Variants in PRSS38 observed in about 807,000 individuals in gnomAD.
The protein encoded by PRSS38 is marapsin 2.
A neutral mutation model predicts 26.8 loss-of-function variants in PRSS38; 22 were observed. That is an observed-to-expected ratio of 0.82 (90% CI 0.59 to 1.17). The LOEUF is 1.17. Ranked by LOEUF, PRSS38 falls within the 50% of genes most tolerant of loss-of-function variation. The pLI, the probability that PRSS38 is intolerant of heterozygous loss-of-function variation, is 0.00. For missense variants in PRSS38, 427 were observed against 422.7 expected, an observed-to-expected ratio of 1.01 and a Z score of -0.09; for synonymous variants, 175 against 172.1, an observed-to-expected ratio of 1.02 and a Z score of -0.13.
Position 227,816,066 on chromosome 1 carries a change from C to T in PRSS38, c.149-24C>T. 2 of 1,602,524 alleles carry T rather than the reference C, an allele frequency of 1.2e-6. No homozygotes were observed. Among genetic ancestry groups the T allele is most frequent in the Non-Finnish European group, 1.7e-6 (2 of 1,172,804 alleles). ...CTCCCGTGGCCCCAGCATGGCTCCA[C>T]CGTCAGCTCCGTTCTCCCTGCAGCC... is the stretch of plus-strand genomic sequence containing the variant. On this transcript the variant is annotated intron_variant, in intron 1 of 4. Coordinates refer to ENST00000366757, the Ensembl canonical transcript of PRSS38. The surrounding 1 kb of genome is among the most constrained non-coding windows in gnomAD (Gnocchi z 5.1).
chr1:227,818,921 G>A (rs1314831002), intron 3 of PRSS38, among the ~76,000 whole-genome samples: 2 of 152,058 alleles, frequency 1.3e-5, no homozygotes, highest in Non-Finnish European at 2.9e-5. Flanking sequence ...TGATTACTCT[G>A]TCTTACTCTC....
At chr1:227,844,050 C>G (rs1272288769) in intron 3 of PRSS38, among the ~76,000 whole-genome samples, 1 of 152,160 alleles carries the variant, frequency 6.6e-6, no homozygotes, top group Non-Finnish European at 1.5e-5. Context: ...TTCAACTCCC[C>G]AGACTGTTCT....
exon 4 of PRSS38, chr1:227,845,537 C>G: frequency 6.2e-7 from 1 of 1,613,608 alleles, no homozygotes; most frequent in Non-Finnish European, 8.5e-7. Flanking sequence ...GCCACCTGCT[C>G]TACGGACACA....
intron 3 of PRSS38, among the ~76,000 whole-genome samples, chr1:227,830,167 T>C (rs958576650): frequency 2.0e-5 from 3 of 152,230 alleles, no homozygotes; most frequent in Non-Finnish European, 4.4e-5. Context: ...ATAGTCTTTC[T>C]AGGTTGCTGG....
At chr1:227,825,754 C>A (rs1665065371) in intron 3 of PRSS38, among the ~76,000 whole-genome samples, 1 of 152,116 alleles carries the variant, frequency 6.6e-6, no homozygotes, top group South Asian at 2.1e-4. Flanking sequence ...GTTCTTGTAC[C>A]AGTACCATGC....
At chr1:227,842,384 G>A (rs1665350464) in intron 3 of PRSS38, among the ~76,000 whole-genome samples, 1 of 152,070 alleles carries the variant, frequency 6.6e-6, no homozygotes, top group Admixed American at 6.5e-5. Context: ...TTGGGGCACA[G>A]AATTGGATTC....
intron 3 of PRSS38, among the ~76,000 whole-genome samples, chr1:227,834,857 A>G (rs533776145): frequency 2.0e-5 from 3 of 152,298 alleles, no homozygotes; most frequent in South Asian, 2.1e-4. Context: ...ATTGGGCTTC[A>G]TTGAAATTAA....
chr1:227,846,205 G>A, exon 5 of PRSS38: 7 of 1,608,334 alleles, frequency 4.4e-6, no homozygotes, highest in Non-Finnish European at 5.9e-6. Flanking sequence ...GGTCAGTGCT[G>A]TGAGGTCAGG....
At chr1:227,830,657 A>T (rs1473160932) in intron 3 of PRSS38, among the ~76,000 whole-genome samples, 1 of 151,216 alleles carries the variant, frequency 6.6e-6, no homozygotes, top group Non-Finnish European at 1.5e-5. Context: ...AAGCCCTGCT[A>T]ATTTTTATTA....
intron 3 of PRSS38, among the ~76,000 whole-genome samples, chr1:227,833,623 G>A (rs1017070547): frequency 6.6e-6 from 1 of 152,132 alleles, no homozygotes; most frequent in Non-Finnish European, 1.5e-5. Flanking sequence ...GGCATAAGGA[G>A]AGATATATAG....
intron 3 of PRSS38, among the ~76,000 whole-genome samples, chr1:227,820,367 T>C (rs1339024606): frequency 6.6e-6 from 1 of 152,126 alleles, no homozygotes; most frequent in Non-Finnish European, 1.5e-5. Context: ...AAAGTGGAAA[T>C]CCTTGTTTTG....
intron 4 of PRSS38, 145 bp downstream of exon 4, chr1:227,845,757 G>A: frequency 8.3e-7 from 1 of 1,207,784 alleles, no homozygotes; most frequent in Non-Finnish European, 1.2e-6. Flanking sequence ...GACAATGTGT[G>A]AACGCCGCAT....
chr1:227,832,156 A>G (rs1381966733), intron 3 of PRSS38, among the ~76,000 whole-genome samples: 2 of 152,074 alleles, frequency 1.3e-5, no homozygotes, highest in Admixed American at 6.6e-5. Context: ...ATCTTTTTTC[A>G]TCTTTTCACT....
In PRSS38 at chr1:227,846,245, C is replaced by T. The variant is rs756518307; in HGVS notation, c.*37C>T. 5 of 1,596,048 alleles carry T rather than the reference C, an allele frequency of 3.1e-6. No homozygotes were observed. In the South Asian group the frequency reaches 4.4e-5, roughly 14 times the overall value. ...CCACTCTAGGATTCTCATGGCTGCA[C>T]ACCCTGCCCCAGCCCAGCTGCCTCC... On this transcript the variant is annotated 3_prime_UTR_variant, in exon 5 of 5. Transcript: ENST00000366757.
chr1:227,837,528 A>C (rs1665255477), intron 3 of PRSS38, among the ~76,000 whole-genome samples: 1 of 151,518 alleles, frequency 6.6e-6, no homozygotes, highest in South Asian at 2.1e-4. Flanking sequence ...ATCAGTGTTT[A>C]GGTCATGTGA....
At chr1:227,844,599 TTCCCTATGTGTGGTGGGGCTCC>T (rs1446605160) in intron 3 of PRSS38, among the ~76,000 whole-genome samples, 17 of 123,786 alleles carry the variant, frequency 1.4e-4, no homozygotes, top group East Asian at 5.3e-4. Flanking sequence ...AGTGGGGCTC[TTCCCTATGTGTGGTGGGGCTCC>T]TCCCTATGTG....
At chr1:227,817,325 T>C (rs1405812824) in exon 3 of PRSS38, 2 of 1,614,078 alleles carry the variant, frequency 1.2e-6, no homozygotes, top group South Asian at 1.1e-5. Context: ...ACATATGAGA[T>C]GTACCACCCC....
At chr1:227,846,214 G>A (rs1665429174) in exon 5 of PRSS38, 1 of 1,606,592 alleles carries the variant, frequency 6.2e-7, no homozygotes. Flanking sequence ...TGTGAGGTCA[G>A]GATACCCACT....
intron 3 of PRSS38, among the ~76,000 whole-genome samples, chr1:227,831,450 A>G (rs1353431616): frequency 6.6e-6 from 1 of 152,208 alleles, no homozygotes; most frequent in Non-Finnish European, 1.5e-5. Context: ...GTCCTGGTAA[A>G]TGATCCATGT....
Sources: gnomAD v4.1 joint callset for allele counts (sites outside exome capture counted in the v4.1 genomes callset) on GRCh38, gnomAD v4.1.1 for gene constraint, Gnocchi (gnomAD v3.1) non-coding constraint, MANE v1.5 for transcripts, NCBI Gene and HGNC (gene_info 2026-07-23, HGNC 2026-07-21) for gene names.